The following MYO15A variants were observed in gnomAD, a reference collection of about 807,000 sequenced individuals.
The protein encoded by MYO15A is unconventional myosin-XV.
MYO15A carries 308 observed loss-of-function variants against 394.6 expected under a neutral mutation model. The observed-to-expected ratio is 0.78, with a 90% confidence interval of 0.71 to 0.86. MYO15A has a LOEUF of 0.86. MYO15A is among the 40% of genes least tolerant of loss of function. The pLI is 0.00. For synonymous variants in MYO15A, 1,957 were observed against 2,003.8 expected, an observed-to-expected ratio of 0.98 and a Z score of 0.62; for missense variants, 4,606 against 4,799.1, an observed-to-expected ratio of 0.96 and a Z score of 1.19.
chr17:18,154,282 T>C, intron 44 of MYO15A, 92 bp downstream of exon 44: 3 of 1,469,310 alleles, frequency 2.0e-6, no homozygotes, highest in Non-Finnish European at 2.8e-6. Flanking sequence ...CCTCTGCATG[T>C]TGGGATTTGG....
Position 18,118,656 on chromosome 17 carries a change from C to CG in MYO15A, c.-144dup. 5 of 1,291,106 alleles carry CG rather than the reference C, an allele frequency of 3.9e-6. No individual in the cohort carries two copies. The highest frequency in any genetic ancestry group is 5.3e-6 in the Non-Finnish European group (5 of 943,834). The allele number at this position is 1,291,106 out of a possible 1,614,324, so 80.0% of individuals were successfully genotyped here. ...CGGAATCCTGGCTCGGCCCTCCCCA[C>CG]GCCACCCAGGGCCAGTCGGGTCTGC... On this transcript the variant is annotated 5_prime_UTR_variant, in exon 2 of 66. It removes the in-frame stop codon of an upstream open reading frame in the 5' UTR. Transcript: ENST00000647165.
chr17:18,121,304 C>CA lies in MYO15A; in HGVS notation c.2505dup (p.Pro836ThrfsTer144). On this transcript the variant is annotated frameshift_variant, in exon 2 of 66. Transcript: ENST00000647165. LOFTEE classifies it high-confidence loss of function. The surrounding 1 kb of genome is among the most constrained non-coding windows in gnomAD (Gnocchi z 5.3). ...CGCCGAGCCGCTGGGCGCCTGGGCC[C>CA]ACCCGGCTCGCCGCTGCCGGGCTCA... The CA allele has an allele frequency of 1.5e-6, 2 of 1,331,076 alleles. No homozygotes were observed. Among genetic ancestry groups the CA allele is most frequent in the African/African-American group, 1.6e-5 (1 of 63,776 alleles). 82.5% of individuals were successfully genotyped at this position (1,331,076 alleles called of 1,614,324 possible). A position where few individuals can be genotyped will look rare whatever the true frequency, so the allele number is the denominator to read the frequency against.
In MYO15A at chr17:18,146,083, C is replaced by G; in HGVS notation, c.6485C>G (p.Pro2162Arg). Reference protein sequence around the residue: ...AACLSGFAPSPCFNKYLLKFV... With the variant: ...AACLSGFAPSRCFNKYLLKFV... ...TGCCTCAGTGGCTTTGCACCTTCCC[C>G]GTGCTTCAACAAGTACCTTCTCAAG... Residue 2162 changes from proline to arginine, a missense_variant, in exon 30 of 66, where the codon CCG (proline) becomes CGG (arginine). Physicochemically the swap from Pro to Arg is moderately radical, Grantham distance 103. Transcript: ENST00000647165. The G allele has an allele frequency of 3.1e-6, 5 of 1,613,884 alleles. No homozygotes were observed. Among genetic ancestry groups the G allele is most frequent in the Non-Finnish European group, 4.2e-6 (5 of 1,180,026 alleles).
intron 18 of MYO15A, 58 bp downstream of exon 18, chr17:18,138,994 GACAC>G: frequency 6.3e-7 from 1 of 1,580,350 alleles, no homozygotes; most frequent in Non-Finnish European, 8.6e-7. Flanking sequence ...AGCTGTTGGA[GACAC>G]AGAAGCACAA....
chr17:18,173,953 C>A (rs569472567), intron 65 of MYO15A, 32 bp downstream of exon 65: 44 of 1,606,774 alleles, frequency 2.7e-5, no homozygotes, highest in Admixed American at 1.7e-4. Flanking sequence ...ACATTCCACT[C>A]ACTGGGCCCT....
chr17:18,172,435 C>T, intron 64 of MYO15A, 145 bp downstream of exon 64: 1 of 1,234,354 alleles, frequency 8.1e-7, no homozygotes, highest in Non-Finnish European at 1.2e-6. Flanking sequence ...CTTCCCTCCT[C>T]TGAGCCTTGC....
chr17:18,149,750 AG>A lies in MYO15A; in HGVS notation c.7212+171del. 3 of 708,142 alleles carry A rather than the reference AG, an allele frequency of 4.2e-6. No individual in the cohort carries two copies. In the South Asian group the frequency reaches 4.8e-5, roughly 11 times the overall value. The allele number at this position is 708,142 out of a possible 1,614,324, so 43.9% of individuals were successfully genotyped here. On this transcript the variant is annotated intron_variant, in intron 35 of 65. Transcript: ENST00000647165. ...GGACAAAGGATGAGGGTCTCTTCAC[AG>A]CTAGAGATGCTCTTGGCTGATCCTG...
rs878853228 is a variant in MYO15A, at chr17:18,155,225, G to T, written c.8340G>T (p.Thr2780=). 1 of 1,613,840 alleles carries T rather than the reference G, an allele frequency of 6.2e-7. No individual in the cohort carries two copies. The highest frequency in any genetic ancestry group is 8.5e-7 in the Non-Finnish European group (1 of 1,179,998). ...EVYFSRIFPA[T]GSVGTGVQLL... is the part of the protein sequence containing the mutation. ...ACTTCTCCCGCATCTTCCCCGCCACGGTGCGAGCCCCTCACTTGCCCCCTA... is the reference window on the plus strand; with the variant it reads ...ACTTCTCCCGCATCTTCCCCGCCACTGTGCGAGCCCCTCACTTGCCCCCTA... The change falls in exon 46 of 66, where the codon ACG becomes ACT. Residue 2780 remains threonine (T), a splice_region_variant and synonymous_variant. Coordinates refer to ENST00000647165, the MANE Select transcript of MYO15A (RefSeq NM_016239.4).
intron 1 of MYO15A, among the ~76,000 whole-genome samples, chr17:18,116,716 T>C (rs1427627909): frequency 6.6e-6 from 1 of 151,064 alleles, no homozygotes; most frequent in African/African-American, 2.4e-5. Context: ...AGATCAGGAG[T>C]TTGAGACCAT....
chr17:18,133,359 G>A lies in MYO15A; in HGVS notation c.4455G>A (p.Leu1485=), dbSNP rs2046203698. 14 of 1,614,178 alleles carry A rather than the reference G, an allele frequency of 8.7e-6. No homozygotes were observed. Among genetic ancestry groups the A allele is most frequent in the Admixed American group, 3.3e-5 (2 of 60,014 alleles). ...GCATCCTGGCCTCCATCCTGCACCT[G>A]GGCAACGTCTACTTTGAGAAGTATG... ...IFRILASILH[L]GNVYFEKYET... Residue 1485 remains leucine (L), a synonymous_variant, in exon 12 of 66, where the codon CTG becomes CTA. Transcript: ENST00000647165.
At chr17:18,144,785 C>T (rs895141287) in intron 29 of MYO15A, among the ~76,000 whole-genome samples, 193 bp downstream of exon 29, 6 of 143,054 alleles carry the variant, frequency 4.2e-5, no homozygotes, top group African/African-American at 1.6e-4. Context: ...TTTCTTCTCC[C>T]AGCCATCTTC....
At position 18,144,560 on chromosome 17, in the gene MYO15A, C is replaced by G. The variant is rs758970766; in HGVS notation, c.6241C>G (p.His2081Asp). Residue 2081 changes from histidine to aspartate, a missense_variant, in exon 29 of 66, where the codon CAC becomes GAC. Coordinates refer to ENST00000647165, the MANE Select transcript of MYO15A (RefSeq NM_016239.4). ...RTPLTQLPAE[H>D]HAEAVSIFKL... ...ACCCCTCACGCAGCTGCCAGCCGAG[C>G]ACCATGCAGAAGCCGTGAGCATCTT... 9 of 1,613,152 alleles carry G rather than the reference C, an allele frequency of 5.6e-6. 1 individual carries two copies. The South Asian group carries it at 7.7e-5, about 14-fold the overall frequency.
chr17:18,151,368 T>A (rs1050273675), intron 39 of MYO15A, 27 bp from the exon 40 acceptor site: 2 of 1,614,186 alleles, frequency 1.2e-6, no homozygotes, highest in Non-Finnish European at 1.7e-6. Flanking sequence ...GGCCTCACCC[T>A]GTTCCCACCG....
intron 12 of MYO15A, among the ~76,000 whole-genome samples, chr17:18,133,819 C>T (rs1420195203): frequency 6.6e-6 from 1 of 151,916 alleles, no homozygotes; most frequent in Non-Finnish European, 1.5e-5. Flanking sequence ...ACTACCGCCC[C>T]ACTAATTTTT....
At position 18,121,345 on chromosome 17, in the gene MYO15A, C is replaced by G; in HGVS notation, c.2545C>G (p.Pro849Ala). The G allele has an allele frequency of 1.4e-6, 2 of 1,416,024 alleles. No homozygotes were observed. Among genetic ancestry groups the G allele is most frequent in the Non-Finnish European group, 1.8e-6 (2 of 1,091,858 alleles). 87.7% of individuals were successfully genotyped at this position (1,416,024 alleles called of 1,614,324 possible). Residue 849 changes from proline (P) to alanine (A), a missense_variant, in exon 2 of 66, where the codon CCG (proline) becomes GCG (alanine). This residue lies in a region of MYO15A where 1,830 missense variants were observed against 1,689.7 expected (regional missense o/e 1.08). Coordinates refer to ENST00000647165, the MANE Select transcript of MYO15A (RefSeq NM_016239.4). The surrounding 1 kb of genome is among the most constrained non-coding windows in gnomAD (Gnocchi z 5.3). ...PLPGSPRPPSPPLGLCHSPRR... is the reference protein window; with the variant it reads ...PLPGSPRPPSAPLGLCHSPRR... ...GCCGGGCTCACCCAGGCCGCCCTCG[C>G]CGCCCCTGGGGCTCTGCCACAGCCC...
chr17:18,111,998 G>A (rs1452814092), intron 1 of MYO15A, among the ~76,000 whole-genome samples: 2 of 152,252 alleles, frequency 1.3e-5, no homozygotes, highest in Non-Finnish European at 2.9e-5. Flanking sequence ...TCTCTGAGAG[G>A]CAGGTTCTTC....
intron 15 of MYO15A, 49 bp from the exon 16 acceptor site, chr17:18,137,535 G>A (rs754502436): frequency 6.4e-7 from 1 of 1,571,398 alleles, no homozygotes; most frequent in Non-Finnish European, 8.7e-7. Flanking sequence ...GGGCAAACAG[G>A]CTGGTGGCCA....
intron 47 of MYO15A, 72 bp downstream of exon 47, chr17:18,155,504 C>G: frequency 7.3e-7 from 1 of 1,372,076 alleles, no homozygotes; most frequent in Non-Finnish European, 1.0e-6. Flanking sequence ...TCCTTCCCCT[C>G]CACAGCCACT....
In MYO15A at chr17:18,151,856, G is replaced by A. The variant is rs759830393; in HGVS notation, c.7798G>A (p.Gly2600Arg). ...CTCCAATGCCCACAGGAAGGATGGCGGGAAAGTGTTCATGAAGCGGCCAGA... is the reference window on the plus strand; with the variant it reads ...CTCCAATGCCCACAGGAAGGATGGCAGGAAAGTGTTCATGAAGCGGCCAGA... ...GRPEALRKDG[G>R]KVFMKRPDPH... The change falls in exon 41 of 66, where the codon GGG becomes AGG. Residue 2600 changes from glycine (G) to arginine (R), a missense_variant. Gly to Arg is a moderately radical substitution (Grantham distance 125, BLOSUM62 -2). Coordinates refer to ENST00000647165, the MANE Select transcript of MYO15A (RefSeq NM_016239.4). 6.3e-5 allele frequency: 99 copies of A among 1,576,116 alleles called. No individual in the cohort carries two copies. The highest frequency in any genetic ancestry group is 3.3e-4 in the Middle Eastern group (2 of 6,044).
Sources: gnomAD v4.1 joint callset for allele counts (sites outside exome capture counted in the v4.1 genomes callset) on GRCh38, gnomAD v4.1.1 for gene constraint, gnomAD v4.1.1 regional missense constraint, Gnocchi (gnomAD v3.1) non-coding constraint, MANE v1.5 for transcripts, NCBI Gene and HGNC (gene_info 2026-07-23, HGNC 2026-07-21) for gene names.